The following PTPRM variants were observed in gnomAD, a reference collection of about 807,000 sequenced individuals.
The protein encoded by PTPRM is receptor-type tyrosine-protein phosphatase mu.
PTPRM carries 47 observed loss-of-function variants against 186.7 expected under a neutral mutation model. That is an observed-to-expected ratio of 0.25 (90% CI 0.20 to 0.32). The LOEUF (loss-of-function observed/expected upper bound fraction) is 0.32. Among genes scored for constraint, PTPRM ranks in the 10% least tolerant of loss-of-function variants. The pLI is 1.00. For missense variants in PTPRM, 1,494 were observed against 1,865.0 expected (o/e 0.80, Z 3.66); for synonymous variants, 668 against 674.9 (o/e 0.99, Z 0.16).
At chr18:8,373,956 A>G (rs1296420869) in intron 24 of PTPRM, among the ~76,000 whole-genome samples, 1 of 152,132 alleles carries the variant, frequency 6.6e-6, no homozygotes, top group Non-Finnish European at 1.5e-5. Context: ...ATGATGAAAA[A>G]CCAGGAAGTA....
intron 20 of PTPRM, among the ~76,000 whole-genome samples, chr18:8,312,636 G>A (rs148835937): frequency 1.3e-5 from 2 of 151,960 alleles, no homozygotes; most frequent in African/African-American, 4.8e-5. Context: ...CCATTTTACA[G>A]CGAAGGAAGC....
intron 7 of PTPRM, among the ~76,000 whole-genome samples, chr18:7,982,444 C>A (rs1179604320): frequency 6.6e-6 from 1 of 152,118 alleles, no homozygotes; most frequent in East Asian, 1.9e-4. Flanking sequence ...ACTCATGGAG[C>A]TGTCATCTCC....
intron 1 of PTPRM, among the ~76,000 whole-genome samples, chr18:7,666,951 C>T (rs545428777): frequency 6.6e-6 from 1 of 152,228 alleles, no homozygotes; most frequent in South Asian, 2.1e-4. Flanking sequence ...GGGAGTGTGC[C>T]ACTCCAGGCC....
chr18:8,088,940 T>C, intron 11 of PTPRM, 89 bp downstream of exon 11: 3 of 1,012,124 alleles, frequency 3.0e-6, no homozygotes, highest in Non-Finnish European at 4.5e-6. Context: ...AGGGATTTGC[T>C]GCAAATCTCA....
At chr18:8,023,831 G>GACACACACACACACACACACACACACAC (rs71354587) in intron 7 of PTPRM, among the ~76,000 whole-genome samples, 2 of 110,280 alleles carry the variant, frequency 1.8e-5, no homozygotes, top group African/African-American at 6.2e-5. Flanking sequence ...ATTATCAGAA[G>GACACACACACACACACACACACACACAC]ACACACACAC....
At chr18:8,063,278 C>T (rs867592081) in intron 7 of PTPRM, among the ~76,000 whole-genome samples, 88 of 151,118 alleles carry the variant, frequency 5.8e-4, no homozygotes, top group African/African-American at 2.0e-3. Context: ...TGACCCCTTG[C>T]GCTTCCCAGG....
chr18:7,785,680 G>T (rs763251447), intron 2 of PTPRM, among the ~76,000 whole-genome samples: 8 of 152,110 alleles, frequency 5.3e-5, no homozygotes, highest in Non-Finnish European at 1.2e-4. Flanking sequence ...AAATTGCATT[G>T]AAAGTGTTTA....
intron 19 of PTPRM, among the ~76,000 whole-genome samples, chr18:8,256,210 A>G (rs2094573382): frequency 6.6e-6 from 1 of 152,036 alleles, no homozygotes; most frequent in Non-Finnish European, 1.5e-5. Flanking sequence ...TCTCTGTGCT[A>G]TTCAGTGAGG....
intron 11 of PTPRM, among the ~76,000 whole-genome samples, chr18:8,106,148 TTG>T (rs1374506908): frequency 6.6e-6 from 1 of 152,172 alleles, no homozygotes. Context: ...CCTGCCATTC[TTG>T]TGTAGCTCTT....
rs535675108 is a variant in PTPRM at position 7,800,328 on chromosome 18, A to T, written c.196+26057A>T. Among the ~76,000 whole-genome samples the T allele has an allele frequency of 2.6e-5, 4 of 152,310 alleles. No individual in the cohort carries two copies. The South Asian group carries it at 8.3e-4, about 32-fold the overall frequency. On this transcript the variant is annotated intron_variant, in intron 2 of 32. Transcript: ENST00000580170. Reference sequence around the variant, plus strand: ...CTGAGAAATGACTGAAAATATGTTTATCAGTCTTTTGTTTATAAATTCATG... The same window carrying T: ...CTGAGAAATGACTGAAAATATGTTTTTCAGTCTTTTGTTTATAAATTCATG...
chr18:7,869,487 T>C (rs1408711710), intron 2 of PTPRM, among the ~76,000 whole-genome samples: 1 of 152,124 alleles, frequency 6.6e-6, no homozygotes, highest in Non-Finnish European at 1.5e-5. Context: ...CGGGAGGCAA[T>C]GCCCCACCCT....
At chr18:7,916,625 A>G (rs1280261915) in intron 4 of PTPRM, among the ~76,000 whole-genome samples, 1 of 152,010 alleles carries the variant, frequency 6.6e-6, no homozygotes, top group East Asian at 1.9e-4. Flanking sequence ...TTTAAAAAAA[A>G]TGTTATTTTA....
At chr18:7,641,614 G>C (rs1322720858) in intron 1 of PTPRM, among the ~76,000 whole-genome samples, 1 of 152,194 alleles carries the variant, frequency 6.6e-6, no homozygotes, top group Non-Finnish European at 1.5e-5. Context: ...TTCTGTCTCA[G>C]ATGGATAACT....
intron 14 of PTPRM, among the ~76,000 whole-genome samples, chr18:8,223,934 C>T (rs1017610760): frequency 1.3e-5 from 2 of 152,184 alleles, no homozygotes; most frequent in Non-Finnish European, 2.9e-5. Flanking sequence ...TGAAAAGCTT[C>T]ATCCATTGCA....
intron 14 of PTPRM, among the ~76,000 whole-genome samples, chr18:8,234,165 T>G (rs1321352396): frequency 6.6e-6 from 1 of 152,218 alleles, no homozygotes; most frequent in Non-Finnish European, 1.5e-5. Context: ...TCTAGGATTT[T>G]GATTAGGATT....
chr18:8,221,434 A>C (rs982177017), intron 14 of PTPRM, among the ~76,000 whole-genome samples: 2 of 152,242 alleles, frequency 1.3e-5, no homozygotes, highest in African/African-American at 4.8e-5. Flanking sequence ...TAGACAAATT[A>C]AATTTAACAG....
chr18:7,935,575 AC>A (rs751987992), intron 5 of PTPRM, among the ~76,000 whole-genome samples: 8 of 152,210 alleles, frequency 5.3e-5, no homozygotes, highest in Non-Finnish European at 8.8e-5. Context: ...TGTGGCAGGA[AC>A]AGGTAGGGCA....
At chr18:7,630,524 A>G (rs947992543) in intron 1 of PTPRM, among the ~76,000 whole-genome samples, 8 of 152,268 alleles carry the variant, frequency 5.3e-5, no homozygotes, top group South Asian at 2.1e-4. Flanking sequence ...GCAGAGACCT[A>G]GGACAGTCAC....
chr18:7,787,403 A>C (rs2043142801), intron 2 of PTPRM, among the ~76,000 whole-genome samples: 1 of 152,176 alleles, frequency 6.6e-6, no homozygotes, highest in Non-Finnish European at 1.5e-5. Context: ...AAACATGGGA[A>C]CATTGGGCAT....
Sources: gnomAD v4.1 joint callset for allele counts (sites outside exome capture counted in the v4.1 genomes callset) on GRCh38, gnomAD v4.1.1 for gene constraint, MANE v1.5 for transcripts, NCBI Gene and HGNC (gene_info 2026-07-23, HGNC 2026-07-21) for gene names.